PJA2: variants seen among roughly 807,000 people sequenced by gnomAD.
PJA2 encodes the protein E3 ubiquitin-protein ligase Praja-2.
A neutral mutation model predicts 69.3 loss-of-function variants in PJA2; 25 were observed. The ratio of observed to expected loss-of-function variants is 0.36; its 90% CI spans 0.26 to 0.50. The LOEUF (loss-of-function observed/expected upper bound fraction) is 0.50, where lower values mean the gene tolerates loss of function less well. Ranked by LOEUF, PJA2 falls within the 20% of genes least tolerant of loss-of-function variation. The probability of loss-of-function intolerance (pLI) is 0.96; values close to 1 mark genes in which losing one functional copy is unlikely to be tolerated. For synonymous variants in PJA2, 308 were observed against 277.8 expected (o/e 1.11, Z -1.08); for missense variants, 809 against 830.2 (o/e 0.97, Z 0.31).
intron 1 of PJA2, among the ~76,000 whole-genome samples, chr5:109,399,728 G>C (rs1747496900): frequency 6.6e-6 from 1 of 152,056 alleles, no homozygotes; most frequent in African/African-American, 2.4e-5. Context: ...AGACAAAAAA[G>C]CTGAGGAGGA....
chr5:109,337,640 A>ATAG, intron 9 of PJA2, among the ~76,000 whole-genome samples: 1 of 152,140 alleles, frequency 6.6e-6, no homozygotes, highest in Non-Finnish European at 1.5e-5. Flanking sequence ...AGAGCTGCTA[A>ATAG]ACTCAGCAGT....
chr5:109,368,443 G>T, intron 5 of PJA2, 118 bp downstream of exon 5: 1 of 764,106 alleles, frequency 1.3e-6, no homozygotes, highest in Non-Finnish European at 2.0e-6. Context: ...AAATCAGGGG[G>T]GCCTACTGGT....
In PJA2 at chr5:109,400,029, C is replaced by T. The variant is rs975526240; in HGVS notation, c.-88+9813G>A. Among the ~76,000 whole-genome samples, 4 of 152,090 alleles carry T rather than the reference C, an allele frequency of 2.6e-5. No homozygotes were observed. The South Asian group carries it at 8.3e-4, about 31-fold the overall frequency. On this transcript the variant is annotated intron_variant, in intron 1 of 9. Transcript: ENST00000361189. ...ATCAGGCCAGGCTCAGTGGCTCACACCTGTAATCCCAGCAATTTGGGAGGC... is the reference window on the plus strand; with the variant it reads ...ATCAGGCCAGGCTCAGTGGCTCACATCTGTAATCCCAGCAATTTGGGAGGC...
chr5:109,357,834 C>T (rs189958668), intron 6 of PJA2, among the ~76,000 whole-genome samples: 99 of 152,314 alleles, frequency 6.5e-4, no homozygotes, highest in Non-Finnish European at 1.3e-4. Context: ...TCTTCCTTCT[C>T]TTTGCAAAAA....
At chr5:109,350,032 A>T (rs188311895) in intron 7 of PJA2, among the ~76,000 whole-genome samples, 1 of 152,274 alleles carries the variant, frequency 6.6e-6, no homozygotes, top group Admixed American at 6.5e-5. Context: ...AAGGGATGTT[A>T]TTTATAGTAA....
intron 7 of PJA2, among the ~76,000 whole-genome samples, chr5:109,354,638 A>G (rs1390223075): frequency 1.5e-5 from 2 of 137,556 alleles, no homozygotes; most frequent in Admixed American, 7.4e-5. Flanking sequence ...GATATATTAG[A>G]TATATGTTAT....
At chr5:109,387,830 C>CT (rs66490767) in intron 1 of PJA2, among the ~76,000 whole-genome samples, 152,331 of 152,332 alleles carry the variant, frequency 1, 76,165 homozygotes, top group Non-Finnish European at 1. Context: ...AGACAAAGGC[C>CT]TGTTTATTTT....
intron 1 of PJA2, among the ~76,000 whole-genome samples, chr5:109,396,206 A>G (rs1289980845): frequency 2.6e-5 from 4 of 152,102 alleles, no homozygotes; most frequent in Non-Finnish European, 5.9e-5. Context: ...TTTCATTAGT[A>G]AACACTTCAG....
Position 109,336,094 on chromosome 5 carries a change from T to A in PJA2, c.*1137A>T, listed in dbSNP as rs1582573878. 1 of 152,730 alleles carries A rather than the reference T, an allele frequency of 6.5e-6. No individual in the cohort carries two copies. The highest frequency in any genetic ancestry group is 1.9e-4 in the East Asian group (1 of 5,186). 9.5% of individuals were successfully genotyped at this position (152,730 alleles called of 1,614,324 possible). A position where few individuals can be genotyped will look rare whatever the true frequency, so the allele number is the denominator to read the frequency against. ...TGCATTTGGGAAGCCATATAAATAT[T>A]CCTTTTATGTGCCCAAACTAAATTA... On this transcript the variant is annotated 3_prime_UTR_variant, in exon 10 of 10. Transcript: ENST00000361189.
At chr5:109,379,301 T>A in intron 3 of PJA2, 47 bp from the exon 4 acceptor site, 1 of 1,318,588 alleles carries the variant, frequency 7.6e-7, no homozygotes, top group Non-Finnish European at 1.0e-6. Flanking sequence ...TTAACTTAGA[T>A]AAAATTTTAT....
intron 7 of PJA2, among the ~76,000 whole-genome samples, chr5:109,353,495 C>A (rs1166038612): frequency 1.1e-5 from 1 of 94,466 alleles, no homozygotes. Flanking sequence ...TATTAGATAT[C>A]TATAATATCT....
chr5:109,361,228 C>A (rs1259170910), intron 6 of PJA2, among the ~76,000 whole-genome samples: 3 of 152,130 alleles, frequency 2.0e-5, no homozygotes. Context: ...GGTATCCATA[C>A]CTTGAAAAAT....
intron 7 of PJA2, among the ~76,000 whole-genome samples, chr5:109,353,068 G>C (rs1289337815): frequency 7.1e-6 from 1 of 140,408 alleles, no homozygotes; most frequent in Non-Finnish European, 1.5e-5. Flanking sequence ...CTATATATTA[G>C]ATACCTATTA....
intron 1 of PJA2, among the ~76,000 whole-genome samples, chr5:109,403,233 G>A (rs1204213126): frequency 6.6e-6 from 1 of 152,024 alleles, no homozygotes; most frequent in Non-Finnish European, 1.5e-5. Flanking sequence ...ACGAATAAAT[G>A]AAATAAGACA....
intron 6 of PJA2, among the ~76,000 whole-genome samples, chr5:109,357,418 A>C (rs1762431678): frequency 6.6e-6 from 1 of 152,348 alleles, no homozygotes; most frequent in Admixed American, 6.5e-5. Flanking sequence ...AGTATCTGGA[A>C]ATCAAGTATC....
At position 109,378,251 on chromosome 5, in the gene PJA2, C is replaced by G. The variant is rs1746939412; in HGVS notation, c.1236G>C (p.Trp412Cys). 1 of 1,613,692 alleles carries G rather than the reference C, an allele frequency of 6.2e-7. No individual in the cohort carries two copies. The highest frequency in any genetic ancestry group is 1.1e-5 in the South Asian group (1 of 91,038). Residue 412 changes from tryptophan to cysteine, a missense_variant, in exon 4 of 10, where the codon TGG becomes TGC. Around this residue, in one of 4 missense-constraint regions of PJA2, gnomAD observed 700 missense variants for 639.5 expected, o/e 1.09. Transcript: ENST00000361189. ...GTTGGTAATAATCTCCACAGCCATT[C>G]CAAAAGGTGTTATCCACCTCTTGCC... ...AGRQEVDNTFWNGCGDYYQLY... is the reference protein window; with the variant it reads ...AGRQEVDNTFCNGCGDYYQLY...
chr5:109,345,081 GCC>G (rs761574937), intron 7 of PJA2, among the ~76,000 whole-genome samples: 28 of 150,554 alleles, frequency 1.9e-4, no homozygotes, highest in Non-Finnish European at 3.8e-4. Flanking sequence ...AATGGCTCAT[GCC>G]TGTAATCCCA....
At chr5:109,343,400 C>T (rs1361557322) in intron 9 of PJA2, among the ~76,000 whole-genome samples, 2 of 65,062 alleles carry the variant, frequency 3.1e-5, no homozygotes, top group South Asian at 6.5e-4. Context: ...TATTTGAAGA[C>T]AATATATAAA....
intron 7 of PJA2, among the ~76,000 whole-genome samples, chr5:109,353,042 C>T (rs1196312837): frequency 2.5e-5 from 3 of 120,414 alleles, no homozygotes; most frequent in African/African-American, 3.2e-5. Context: ...ATATTAGATA[C>T]CTATATCATA....
Sources: gnomAD v4.1 joint callset for allele counts (sites outside exome capture counted in the v4.1 genomes callset) on GRCh38, gnomAD v4.1.1 for gene constraint, gnomAD v4.1.1 regional missense constraint, MANE v1.5 for transcripts, NCBI Gene and HGNC (gene_info 2026-07-23, HGNC 2026-07-21) for gene names.